HPSE2: variants seen among roughly 807,000 people sequenced by gnomAD.
The protein encoded by HPSE2 is heparanase 2 (inactive).
Under a neutral mutation model 60.5 loss-of-function variants are expected in HPSE2, and 38 were observed. That is an observed-to-expected ratio of 0.63 (90% CI 0.48 to 0.82). HPSE2 has a LOEUF of 0.82. Among genes scored for constraint, HPSE2 ranks in the 40% least tolerant of loss-of-function variants. The probability of loss-of-function intolerance (pLI) is 0.00; values close to 1 mark genes in which losing one functional copy is unlikely to be tolerated. For synonymous variants in HPSE2, 295 were observed against 293.2 expected (o/e 1.01, Z -0.06); for missense variants, 713 against 740.4 (o/e 0.96, Z 0.43).
the HPSE2 span, among the ~76,000 whole-genome samples, chr10:99,245,951 A>G: frequency 6.6e-6 from 1 of 152,264 alleles, no homozygotes; most frequent in Non-Finnish European, 1.5e-5. Context: ...AAATGTACAC[A>G]CATACATATG....
At chr10:99,243,631 T>G in the HPSE2 span, among the ~76,000 whole-genome samples, 2 of 152,162 alleles carry the variant, frequency 1.3e-5, no homozygotes, top group Non-Finnish European at 2.9e-5. Flanking sequence ...GCAATGTATA[T>G]AAATCATGTA....
intron 3 of HPSE2, among the ~76,000 whole-genome samples, chr10:98,892,112 C>G (rs978991096): frequency 6.6e-6 from 1 of 151,998 alleles, no homozygotes; most frequent in Non-Finnish European, 1.5e-5. Flanking sequence ...ATTATGTATA[C>G]TTTGAGTATC....
chr10:98,937,613 C>T (rs1954843906), intron 3 of HPSE2, among the ~76,000 whole-genome samples: 1 of 143,756 alleles, frequency 7.0e-6, no homozygotes, highest in East Asian at 2.0e-4. Context: ...CCCACCACAG[C>T]TCAAGGAGGC....
At chr10:98,982,695 T>C (rs1335034482) in intron 3 of HPSE2, among the ~76,000 whole-genome samples, 1 of 152,146 alleles carries the variant, frequency 6.6e-6, no homozygotes, top group Admixed American at 6.5e-5. Flanking sequence ...TAATAAGCAA[T>C]CAACTGAGGA....
chr10:98,626,036 G>A (rs1378920292), intron 7 of HPSE2, among the ~76,000 whole-genome samples: 12 of 151,206 alleles, frequency 7.9e-5, no homozygotes, highest in African/African-American at 1.7e-4. Flanking sequence ...AACCTGGGAG[G>A]AGGAGCTTGC....
At chr10:99,253,303 A>C in the HPSE2 span, among the ~76,000 whole-genome samples, 1 of 152,228 alleles carries the variant, frequency 6.6e-6, no homozygotes, top group African/African-American at 2.4e-5. Flanking sequence ...CCAATGGAAC[A>C]GAATAGAGAA....
At chr10:98,837,218 TA>T (rs1951810469) in intron 3 of HPSE2, among the ~76,000 whole-genome samples, 1 of 152,212 alleles carries the variant, frequency 6.6e-6, no homozygotes, top group Non-Finnish European at 1.5e-5. Flanking sequence ...GAATAATCAT[TA>T]ATACTCATAG....
intron 3 of HPSE2, among the ~76,000 whole-genome samples, chr10:98,759,593 G>A (rs1344506300): frequency 6.6e-6 from 1 of 152,084 alleles, no homozygotes; most frequent in African/African-American, 2.4e-5. Context: ...TTAAAGATCA[G>A]TTGACTAAAA....
intron 9 of HPSE2, among the ~76,000 whole-genome samples, chr10:98,600,117 G>A (rs526864): frequency 0.42 from 63,738 of 151,948 alleles, 16,097 homozygotes; most frequent in Admixed American, 0.54. Context: ...TTTAGTGTAC[G>A]TTAGGTATGG....
chr10:99,178,373 C>T (rs939666927), intron 2 of HPSE2, among the ~76,000 whole-genome samples: 4 of 151,632 alleles, frequency 2.6e-5, no homozygotes, highest in African/African-American at 9.7e-5. Context: ...AGGCCACTAG[C>T]CAGACTAATA....
intron 2 of HPSE2, among the ~76,000 whole-genome samples, chr10:99,230,685 G>A (rs537593435): frequency 2.0e-5 from 3 of 152,096 alleles, no homozygotes; most frequent in Non-Finnish European, 4.4e-5. Flanking sequence ...CATAATCCTA[G>A]GTACAAAGTT....
In HPSE2 at chr10:98,620,695, T is replaced by C; in HGVS notation, c.1112A>G (p.Tyr371Cys). The change falls in exon 8 of 12, where the codon TAC becomes TGC. Residue 371 changes from tyrosine (Y) to cysteine (C), a missense_variant. Transcript: ENST00000370552. ...IRKIQKVVNTYTPGKKIWLEG... is the reference protein window; with the variant it reads ...IRKIQKVVNTCTPGKKIWLEG... ...AAGCCAAATCTTCTTTCCTGGAGTG[T>C]ATGTATTAACCACCTGTTTACACAA... 6.2e-7 allele frequency: 1 copy of C among 1,613,230 alleles called. No homozygotes were observed. The highest frequency in any genetic ancestry group is 8.5e-7 in the Non-Finnish European group (1 of 1,179,222).
At chr10:99,144,039 T>C (rs1845961132) in intron 3 of HPSE2, among the ~76,000 whole-genome samples, 199 bp downstream of exon 3, 1 of 152,248 alleles carries the variant, frequency 6.6e-6, no homozygotes, top group Non-Finnish European at 1.5e-5. Flanking sequence ...TTCTGTGTTT[T>C]GAGAAGAAAA....
the HPSE2 span, among the ~76,000 whole-genome samples, chr10:99,305,399 C>G: frequency 3.3e-3 from 504 of 152,262 alleles, 1 homozygote; most frequent in African/African-American, 0.011. Context: ...GTGGACTAGT[C>G]TGACCAAAAT....
At chr10:99,112,568 C>T (rs1469298170) in intron 3 of HPSE2, among the ~76,000 whole-genome samples, 2 of 152,064 alleles carry the variant, frequency 1.3e-5, no homozygotes, top group East Asian at 1.9e-4. Context: ...GGATTACAGG[C>T]GTGAGCCACC....
chr10:99,248,901 T>C, the HPSE2 span, among the ~76,000 whole-genome samples: 5 of 152,198 alleles, frequency 3.3e-5, no homozygotes, highest in Non-Finnish European at 5.9e-5. Context: ...GTGCAAACCA[T>C]AAGCCTTGGC....
At chr10:98,713,175 G>C (rs544505351) in intron 5 of HPSE2, among the ~76,000 whole-genome samples, 1 of 152,140 alleles carries the variant, frequency 6.6e-6, no homozygotes, top group East Asian at 1.9e-4. Flanking sequence ...GAATGTGGTA[G>C]AAGATAAAAA....
chr10:99,291,707 AT>A, the HPSE2 span, among the ~76,000 whole-genome samples: 1 of 151,956 alleles, frequency 6.6e-6, no homozygotes. Flanking sequence ...GAGAGAAGAG[AT>A]TTTCGAAAAC....
At chr10:98,883,209 T>A (rs949297402) in intron 3 of HPSE2, among the ~76,000 whole-genome samples, 1 of 151,410 alleles carries the variant, frequency 6.6e-6, no homozygotes, top group Non-Finnish European at 1.5e-5. Flanking sequence ...TGGCACAATT[T>A]AAAAAAAAAC....
Sources: allele counts gnomAD v4.1 joint callset (sites outside exome capture counted in the v4.1 genomes callset), GRCh38; gene constraint gnomAD v4.1.1; transcripts MANE v1.5; gene names NCBI Gene and HGNC (gene_info 2026-07-23, HGNC 2026-07-21).